Variants in PPFIBP2 observed in about 807,000 individuals in gnomAD.
PPFIBP2 encodes the protein PPFIB scaffold protein 2.
In PPFIBP2, 118 loss-of-function variants were observed where a neutral mutation model predicts 118.3. The ratio of observed to expected loss-of-function variants is 1.00; its 90% CI spans 0.86 to 1.16. The LOEUF is 1.16. Among genes scored for constraint, PPFIBP2 ranks in the 50% most tolerant of loss-of-function variants. The pLI is 0.00. For synonymous variants in PPFIBP2, 414 were observed against 397.4 expected (o/e 1.04, Z -0.50); for missense variants, 1,195 against 1,073.1 (o/e 1.11, Z -1.59).
intron 6 of PPFIBP2, among the ~76,000 whole-genome samples, chr11:7,611,864 A>C (rs1463327556): frequency 1.3e-5 from 2 of 152,240 alleles, no homozygotes; most frequent in Non-Finnish European, 2.9e-5. Context: ...ATACAGCCTG[A>C]AAGCTAATCT....
intron 1 of PPFIBP2, among the ~76,000 whole-genome samples, chr11:7,532,534 G>A (rs746312411): frequency 1.3e-4 from 20 of 152,194 alleles, no homozygotes; most frequent in South Asian, 2.1e-4. Context: ...GACTGGCCTC[G>A]TCCAAAGGCT....
chr11:7,641,674 T>C, intron 16 of PPFIBP2, 54 bp downstream of exon 16: 1 of 1,563,718 alleles, frequency 6.4e-7, no homozygotes, highest in Non-Finnish European at 8.8e-7. Flanking sequence ...TCTTTTTGAT[T>C]GGGCAAAGAG....
At chr11:7,534,722 C>T (rs946171308) in intron 1 of PPFIBP2, among the ~76,000 whole-genome samples, 1 of 152,210 alleles carries the variant, frequency 6.6e-6, no homozygotes, top group African/African-American at 2.4e-5. Context: ...CTGGGAGGGG[C>T]TTGTTGCCCA....
At chr11:7,666,013 C>T in the PPFIBP2 span, 2 of 1,079,154 alleles carry the variant, frequency 1.9e-6, no homozygotes, top group Admixed American at 2.0e-5. Flanking sequence ...ACAGTGGTTG[C>T]TGGGATGCTG....
At chr11:7,559,819 C>T (rs1854094826) in intron 2 of PPFIBP2, among the ~76,000 whole-genome samples, 3 of 152,118 alleles carry the variant, frequency 2.0e-5, no homozygotes, top group Non-Finnish European at 4.4e-5. Flanking sequence ...GTATTTTGCC[C>T]CTGGGCTACT....
intron 1 of PPFIBP2, among the ~76,000 whole-genome samples, chr11:7,527,163 G>C (rs187323563): frequency 6.6e-6 from 1 of 151,928 alleles, no homozygotes; most frequent in African/African-American, 2.4e-5. Flanking sequence ...AGTGAGCAAG[G>C]TTCCATCCCT....
At chr11:7,664,128 C>G in the PPFIBP2 span, among the ~76,000 whole-genome samples, 1 of 152,212 alleles carries the variant, frequency 6.6e-6, no homozygotes, top group South Asian at 2.1e-4. Context: ...ACGCTGGGAG[C>G]TGTAGACCGG....
chr11:7,562,951 A>T (rs1467976037), intron 2 of PPFIBP2, among the ~76,000 whole-genome samples: 3 of 32,860 alleles, frequency 9.1e-5, no homozygotes, highest in African/African-American at 4.1e-4. Flanking sequence ...ATATATATAT[A>T]TATATATATA....
At chr11:7,629,611 T>C in intron 10 of PPFIBP2, 77 bp downstream of exon 10, 1 of 1,404,654 alleles carries the variant, frequency 7.1e-7, no homozygotes, top group Non-Finnish European at 1.0e-6. Flanking sequence ...GCAGTTCTGC[T>C]AGCAGCTGTT....
chr11:7,540,922 A>T (rs1297345856), intron 1 of PPFIBP2, among the ~76,000 whole-genome samples: 1 of 146,388 alleles, frequency 6.8e-6, no homozygotes, highest in East Asian at 1.9e-4. Flanking sequence ...AACAATTAGG[A>T]TCAGATGCCT....
At chr11:7,584,548 T>C (rs1857785180) in intron 3 of PPFIBP2, among the ~76,000 whole-genome samples, 1 of 152,132 alleles carries the variant, frequency 6.6e-6, no homozygotes, top group Admixed American at 6.5e-5. Flanking sequence ...AAAGCAGAAC[T>C]GGTCCTGGGA....
intron 12 of PPFIBP2, among the ~76,000 whole-genome samples, chr11:7,633,636 A>T (rs1401035013): frequency 6.6e-6 from 1 of 152,152 alleles, no homozygotes. Flanking sequence ...GAGTCTCCAG[A>T]GCCTGCACTC....
intron 3 of PPFIBP2, among the ~76,000 whole-genome samples, chr11:7,578,812 T>G (rs1409525770): frequency 6.6e-6 from 1 of 152,082 alleles, no homozygotes; most frequent in Non-Finnish European, 1.5e-5. Flanking sequence ...GTGAAGAACA[T>G]TCCAGGCAAA....
intron 6 of PPFIBP2, among the ~76,000 whole-genome samples, chr11:7,619,340 A>G (rs1203393272): frequency 6.6e-6 from 1 of 152,234 alleles, no homozygotes. Flanking sequence ...AAAATTCCAG[A>G]CAGAGGGAAT....
chr11:7,589,804 C>T (rs1858910195), intron 3 of PPFIBP2, among the ~76,000 whole-genome samples: 1 of 152,220 alleles, frequency 6.6e-6, no homozygotes, highest in Non-Finnish European at 1.5e-5. Flanking sequence ...AACCTGGAAT[C>T]ATGCAGGGAT....
intron 2 of PPFIBP2, among the ~76,000 whole-genome samples, chr11:7,557,825 C>T (rs1331162059): frequency 6.6e-6 from 1 of 152,112 alleles, no homozygotes; most frequent in African/African-American, 2.4e-5. Context: ...TTCTAATGAA[C>T]TCTCAGGTTT....
chr11:7,578,472 G>A (rs779992413), intron 3 of PPFIBP2, among the ~76,000 whole-genome samples: 6 of 152,224 alleles, frequency 3.9e-5, no homozygotes, highest in Non-Finnish European at 8.8e-5. Context: ...CCCGGACCCC[G>A]ACTCCCGGAC....
In PPFIBP2 at chr11:7,653,204, G is replaced by C; in HGVS notation, c.2617G>C (p.Gly873Arg). The C allele has an allele frequency of 6.2e-7, 1 of 1,614,122 alleles. No homozygotes were observed. Among genetic ancestry groups the C allele is most frequent in the South Asian group, 1.1e-5 (1 of 91,090 alleles). The change falls in exon 24 of 24, where the codon GGA becomes CGA. Residue 873 changes from glycine (G) to arginine (R), a missense_variant. By Grantham distance (125) the Gly-to-Arg change is moderately radical. Coordinates refer to ENST00000299492, the MANE Select transcript of PPFIBP2 (RefSeq NM_003621.5). ...TGAACTGGATGGGCTGGACCAGGTGGGACAGATTAGCTGATGCCCTTGTCA... is the reference window on the plus strand; with the variant it reads ...TGAACTGGATGGGCTGGACCAGGTGCGACAGATTAGCTGATGCCCTTGTCA... The part of the protein sequence containing the change: ...APELDGLDQV[G>R]QIS
intron 2 of PPFIBP2, among the ~76,000 whole-genome samples, chr11:7,563,583 C>T (rs1337554560): frequency 7.9e-5 from 12 of 152,132 alleles, no homozygotes; most frequent in Admixed American, 7.9e-4. Context: ...GTAAAGGGAC[C>T]TGGAATTGGA....
Sources: allele counts gnomAD v4.1 joint callset (sites outside exome capture counted in the v4.1 genomes callset), GRCh38; gene constraint gnomAD v4.1.1; transcripts MANE v1.5; gene names NCBI Gene and HGNC (gene_info 2026-07-23, HGNC 2026-07-21).